The following MATN2 variants were observed in gnomAD, a reference collection of about 807,000 sequenced individuals.
MATN2 encodes the protein matrilin 2, also known as matrilin-2.
In MATN2, 69 loss-of-function variants were observed where a neutral mutation model predicts 103.2. The observed-to-expected ratio is 0.67, with a 90% CI of 0.55 to 0.82. The LOEUF is 0.82. MATN2 is among the 40% of genes least tolerant of loss of function. MATN2 has a pLI of 0.00. For synonymous variants in MATN2, 429 were observed against 450.2 expected (o/e 0.95, Z 0.60); for missense variants, 1,023 against 1,211.5 (o/e 0.84, Z 2.31).
At chr8:97,940,347 A>G (rs1206506157) in intron 3 of MATN2, among the ~76,000 whole-genome samples, 1 of 152,248 alleles carries the variant, frequency 6.6e-6, no homozygotes, top group Non-Finnish European at 1.5e-5. Context: ...GTACAAGGTC[A>G]CAAAAAAAGC....
chr8:97,918,272 A>T lies in MATN2; in HGVS notation c.143-12681A>T, dbSNP rs566345163. Reference sequence around the variant, plus strand: ...AGTCGCCTCTATACTTGTCTCAATGACCCCTGCACTGTGAGCTTCTTGAGG... The same window carrying T: ...AGTCGCCTCTATACTTGTCTCAATGTCCCCTGCACTGTGAGCTTCTTGAGG... On this transcript the variant is annotated intron_variant, in intron 2 of 18. Coordinates refer to ENST00000254898, the MANE Select transcript of MATN2 (RefSeq NM_002380.5). Among the ~76,000 whole-genome samples, 13 of 152,120 alleles carry T rather than the reference A, an allele frequency of 8.5e-5. No individual in the cohort carries two copies. The East Asian group carries it at 2.5e-3, about 29-fold the overall frequency.
intron 2 of MATN2, among the ~76,000 whole-genome samples, chr8:97,893,596 A>ATTTAT (rs1818708345): frequency 3.3e-5 from 2 of 59,886 alleles, no homozygotes; most frequent in African/African-American, 3.5e-5. Flanking sequence ...TTATTTATTT[A>ATTTAT]TGATAGAGTC....
intron 2 of MATN2, among the ~76,000 whole-genome samples, chr8:97,900,701 C>T (rs1257217326): frequency 2.0e-5 from 3 of 152,124 alleles, no homozygotes; most frequent in Admixed American, 6.6e-5. Flanking sequence ...TTTGGGAGGC[C>T]GAGGTGGGCG....
chr8:97,925,388 T>A (rs1968721), intron 2 of MATN2, among the ~76,000 whole-genome samples: 99,144 of 151,550 alleles, frequency 0.65, 33,139 homozygotes, highest in East Asian at 0.92. Context: ...CAGGCCATAT[T>A]TACTTCACTT....
chr8:98,028,844 C>T (rs1468745739), intron 14 of MATN2, among the ~76,000 whole-genome samples: 1 of 152,198 alleles, frequency 6.6e-6, no homozygotes, highest in East Asian at 1.9e-4. Flanking sequence ...ACCTCAGCCT[C>T]CCAAAGTGCT....
intron 3 of MATN2, among the ~76,000 whole-genome samples, chr8:97,939,889 T>G (rs1810497142): frequency 6.6e-6 from 1 of 152,172 alleles, no homozygotes; most frequent in Admixed American, 6.5e-5. Flanking sequence ...AGTACATGTA[T>G]CAACATTGAT....
At chr8:97,926,767 C>T (rs886635915) in intron 2 of MATN2, among the ~76,000 whole-genome samples, 4 of 152,182 alleles carry the variant, frequency 2.6e-5, no homozygotes, top group Admixed American at 6.5e-5. Context: ...ATTTTGGCTT[C>T]GTGCTTGTCA....
At chr8:97,994,963 A>G (rs1284154766) in intron 7 of MATN2, among the ~76,000 whole-genome samples, 2 of 152,240 alleles carry the variant, frequency 1.3e-5, no homozygotes, top group Admixed American at 1.3e-4. Context: ...TTCTACTCCT[A>G]CAAGATAAGA....
intron 1 of MATN2, among the ~76,000 whole-genome samples, chr8:97,885,345 T>G (rs899067280): frequency 1.3e-5 from 2 of 152,212 alleles, no homozygotes; most frequent in African/African-American, 4.8e-5. Context: ...GAGGGCATGA[T>G]GGTGCACACC....
In MATN2 at chr8:98,007,647, GTGCCGGTGTGGGTGCGC is replaced by G. The variant is rs779846919; in HGVS notation, c.1573+52_1573+68del. ...CAGGACCTGCACAGGTGTTCCGTGG[GTGCCGGTGTGGGTGCGC>G]TGCCGACGTGTATATGTGCCTGTGT... On this transcript the variant is annotated intron_variant, in intron 10 of 18. Transcript: ENST00000254898. The surrounding 1 kb of genome is among the most constrained non-coding windows in gnomAD (Gnocchi z 4.2). The G allele has an allele frequency of 1.3e-5, 20 of 1,580,230 alleles. No individual in the cohort carries two copies. Among genetic ancestry groups the G allele is most frequent in the Non-Finnish European group, 1.6e-5 (18 of 1,155,748 alleles).
chr8:97,978,347 A>T (rs1379051775), intron 5 of MATN2, among the ~76,000 whole-genome samples: 1 of 152,142 alleles, frequency 6.6e-6, no homozygotes, highest in Non-Finnish European at 1.5e-5. Flanking sequence ...TAAATCATTT[A>T]CCCTTATTCA....
chr8:97,916,895 A>G (rs1809649543), intron 2 of MATN2, among the ~76,000 whole-genome samples: 1 of 152,184 alleles, frequency 6.6e-6, no homozygotes, highest in Admixed American at 6.5e-5. Flanking sequence ...AGCTCATGCA[A>G]CATTTACTAG....
intron 6 of MATN2, among the ~76,000 whole-genome samples, chr8:97,988,169 A>T (rs867656787): frequency 0.067 from 4,241 of 63,076 alleles, 136 homozygotes; most frequent in Admixed American, 0.14. Flanking sequence ...AAAAAAAAAA[A>T]AAATATATAT....
At chr8:98,013,836 T>TG (rs1440815637) in intron 10 of MATN2, among the ~76,000 whole-genome samples, 5 of 152,300 alleles carry the variant, frequency 3.3e-5, no homozygotes, top group African/African-American at 1.2e-4. Context: ...AGATAAGGTG[T>TG]GGTGGCTCAT....
rs186106347 is a variant in MATN2, at chr8:97,912,613, T to G, written c.143-18340T>G. On this transcript the variant is annotated intron_variant, in intron 2 of 18. Transcript: ENST00000254898. ...GAGTACAAGTCTGTGTCTAGGGGAG[T>G]CTCTGCAGAAGATGAGGGTGGGCCT... Among the ~76,000 whole-genome samples the G allele has an allele frequency of 6.6e-5, 10 of 151,596 alleles. No individual in the cohort carries two copies. In the East Asian group the frequency reaches 1.9e-3, roughly 29 times the overall value.
At chr8:97,958,305 G>A (rs1811201954) in intron 4 of MATN2, among the ~76,000 whole-genome samples, 1 of 152,210 alleles carries the variant, frequency 6.6e-6, no homozygotes, top group Non-Finnish European at 1.5e-5. Flanking sequence ...GAGATTGGGA[G>A]GACCCATGTG....
chr8:97,943,852 G>T (rs961619564), intron 4 of MATN2, among the ~76,000 whole-genome samples: 1 of 152,182 alleles, frequency 6.6e-6, no homozygotes, highest in African/African-American at 2.4e-5. Context: ...TTTTCCGTGG[G>T]CTGGCCTAGC....
Position 97,953,170 on chromosome 8 carries a change from G to A in MATN2, c.836-8238G>A, listed in dbSNP as rs533524060. On this transcript the variant is annotated intron_variant, in intron 4 of 18. Coordinates refer to ENST00000254898, the MANE Select transcript of MATN2 (RefSeq NM_002380.5). ...TCCTCCTGCGTTGGCCTCCCAAAGTGCTGGGATTATAGGTGTGACCCATCG... is the reference window on the plus strand; with the variant it reads ...TCCTCCTGCGTTGGCCTCCCAAAGTACTGGGATTATAGGTGTGACCCATCG... Among the ~76,000 whole-genome samples, 3 of 151,972 alleles carry A rather than the reference G, an allele frequency of 2.0e-5. No homozygotes were observed. The South Asian group carries it at 6.2e-4, about 32-fold the overall frequency.
chr8:97,893,464 T>A (rs1204178191), intron 2 of MATN2, among the ~76,000 whole-genome samples: 1 of 152,168 alleles, frequency 6.6e-6, no homozygotes. Flanking sequence ...TTACCCCACT[T>A]TCCTATGAGG....
Sources: allele counts gnomAD v4.1 joint callset (sites outside exome capture counted in the v4.1 genomes callset), GRCh38; gene constraint gnomAD v4.1.1; non-coding constraint Gnocchi (gnomAD v3.1); transcripts MANE v1.5; gene names NCBI Gene and HGNC (gene_info 2026-07-23, HGNC 2026-07-21).